ACSM1: variants seen among roughly 807,000 people sequenced by gnomAD.
ACSM1 encodes acyl-CoA synthetase medium chain family member 1.
ACSM1 carries 79 observed loss-of-function variants against 75.8 expected under a neutral mutation model. The ratio of observed to expected loss-of-function variants is 1.04; its 90% confidence interval spans 0.87 to 1.26. The LOEUF is 1.26. ACSM1 is among the 50% of genes most tolerant of loss of function. The pLI is 0.00. For missense variants in ACSM1, 676 were observed against 720.1 expected (o/e 0.94, Z 0.70); for synonymous variants, 279 against 265.8 (o/e 1.05, Z -0.48).
At position 20,691,094 on chromosome 16, in the gene ACSM1, A is replaced by G. The variant is rs1186295814; in HGVS notation, c.95T>C (p.Leu32Ser). The change falls in exon 2 of 14, where the codon TTA (leucine) becomes TCA (serine). Residue 32 changes from leucine to serine, a missense_variant. Coordinates refer to ENST00000520010, the MANE Select transcript of ACSM1 (RefSeq NM_001318890.3). The part of the protein sequence containing the change: ...PAPSQLRCRS[L>S]SEFGAPRWND... Reference sequence around the variant, plus strand: ...CCATCTTGGGGCTCCAAATTCTGATAAAGACCGGCAGCGCAGCTGTGAAGG... The same window carrying G: ...CCATCTTGGGGCTCCAAATTCTGATGAAGACCGGCAGCGCAGCTGTGAAGG... 1 of 1,613,708 alleles carries G rather than the reference A, an allele frequency of 6.2e-7. No individual in the cohort carries two copies. The highest frequency in any genetic ancestry group is 1.1e-5 in the South Asian group (1 of 90,946).
chr16:20,686,675 G>A (rs531483272), intron 2 of ACSM1, among the ~76,000 whole-genome samples: 4 of 151,972 alleles, frequency 2.6e-5, no homozygotes, highest in Admixed American at 6.6e-5. Context: ...AGAGCCAGGC[G>A]AGGTGGCACA....
At position 20,624,142 on chromosome 16, in the gene ACSM1, T is replaced by A. The variant is rs1217275984; in HGVS notation, c.1601A>T (p.Gln534Leu). 7 of 1,613,374 alleles carry A rather than the reference T, an allele frequency of 4.3e-6. No homozygotes were observed. In the East Asian group the frequency reaches 1.1e-4, roughly 26 times the overall value. ...GGCTGTCACTGACTTGACATGCTGCTGCAGTTCCTTGGTCAGCTGATCCTT... is the reference window on the plus strand; with the variant it reads ...GGCTGTCACTGACTTGACATGCTGCAGCAGTTCCTTGGTCAGCTGATCCTT... Reference protein sequence around the residue: ...HDKDQLTKELQQHVKSVTAPY... With the variant: ...HDKDQLTKELLQHVKSVTAPY... The change falls in exon 13 of 14, where the codon CAG becomes CTG. Residue 534 changes from glutamine (Q) to leucine (L), a missense_variant. Coordinates refer to ENST00000520010, the MANE Select transcript of ACSM1 (RefSeq NM_001318890.3).
intron 7 of ACSM1, among the ~76,000 whole-genome samples, chr16:20,658,843 G>T (rs1050076202): frequency 6.6e-6 from 1 of 152,092 alleles, no homozygotes; most frequent in Non-Finnish European, 1.5e-5. Flanking sequence ...ATTTAATGTT[G>T]GTCCCGTAAT....
chr16:20,637,504 C>G (rs1470010544), intron 8 of ACSM1, 53 bp from the exon 9 acceptor site: 2 of 1,440,582 alleles, frequency 1.4e-6, no homozygotes, highest in Non-Finnish European at 2.0e-6. Context: ...AGGCTGATCA[C>G]AAAGCAGTCA....
intron 7 of ACSM1, among the ~76,000 whole-genome samples, chr16:20,654,916 A>G (rs896482197): frequency 3.9e-5 from 6 of 152,172 alleles, no homozygotes; most frequent in Non-Finnish European, 7.3e-5. Flanking sequence ...CCAAAGGATT[A>G]TAAATCATGC....
intron 1 of ACSM1, among the ~76,000 whole-genome samples, chr16:20,694,828 C>T (rs555520802): frequency 6.6e-6 from 1 of 151,940 alleles, no homozygotes; most frequent in African/African-American, 2.4e-5. Context: ...TAGGGTGGGC[C>T]CTAATCCAAT....
chr16:20,671,553 A>AGGCCAACCCAT lies in ACSM1; in HGVS notation c.719_729dup (p.Leu244MetfsTer18). The stretch of plus-strand genomic sequence containing the variant: ...TACCTTCCTGGGAAGGAGGGTTGTA[A>AGGCCAACCCAT]GGCCAACCCATGGGAGTGTTTTGCC... On this transcript the variant is annotated frameshift_variant, in exon 5 of 14. Transcript: ENST00000520010. LOFTEE classifies it high-confidence loss of function. 1 of 1,611,854 alleles carries AGGCCAACCCAT rather than the reference A, an allele frequency of 6.2e-7. No individual in the cohort carries two copies. The highest frequency in any genetic ancestry group is 8.5e-7 in the Non-Finnish European group (1 of 1,179,208).
chr16:20,634,453 TAAG>T (rs1484108965), intron 10 of ACSM1, among the ~76,000 whole-genome samples: 1 of 152,180 alleles, frequency 6.6e-6, no homozygotes, highest in East Asian at 1.9e-4. Flanking sequence ...AAATGTCCAT[TAAG>T]AGACAACTGA....
rs775397893 is a variant in ACSM1, at chr16:20,625,419, T to A, written c.1527+4A>T. 5 of 1,613,608 alleles carry A rather than the reference T, an allele frequency of 3.1e-6. No homozygotes were observed. The highest frequency in any genetic ancestry group is 4.2e-6 in the Non-Finnish European group (5 of 1,179,896). On this transcript the variant is annotated splice_donor_region_variant and intron_variant, in intron 12 of 13. Coordinates refer to ENST00000520010, the MANE Select transcript of ACSM1 (RefSeq NM_001318890.3). The stretch of plus-strand genomic sequence containing the variant: ...AGACATGATGATCTCTGTGTTCTCC[T>A]CACCTCCCCTCGAATCGGGTCTGGG...
intron 7 of ACSM1, among the ~76,000 whole-genome samples, chr16:20,646,290 G>A (rs2905825): frequency 0.29 from 44,521 of 152,046 alleles, 7,967 homozygotes; most frequent in African/African-American, 0.5. Context: ...CCACCCCCTT[G>A]TCCATGCCCC....
chr16:20,671,800 TC>T (rs1567295278), intron 4 of ACSM1, 129 bp from the exon 5 acceptor site: 1 of 1,069,796 alleles, frequency 9.3e-7, no homozygotes, highest in African/African-American at 1.6e-5. Flanking sequence ...AAACTGGCTC[TC>T]CCGGAGTTAG....
At chr16:20,635,144 C>T (rs1352993794) in intron 10 of ACSM1, among the ~76,000 whole-genome samples, 2 of 152,196 alleles carry the variant, frequency 1.3e-5, no homozygotes, top group Admixed American at 6.5e-5. Context: ...TCTGTAATCA[C>T]AGCACTTTGG....
chr16:20,686,433 C>G (rs1248957345), intron 2 of ACSM1, among the ~76,000 whole-genome samples: 3 of 152,068 alleles, frequency 2.0e-5, no homozygotes, highest in African/African-American at 7.2e-5. Context: ...TTCCCACTTA[C>G]ACAGGCAGGG....
chr16:20,658,243 A>G (rs1261189803), intron 7 of ACSM1, among the ~76,000 whole-genome samples: 1 of 152,116 alleles, frequency 6.6e-6, no homozygotes, highest in African/African-American at 2.4e-5. Context: ...AAGTGTTCCT[A>G]TTTCTCCACA....
intron 4 of ACSM1, among the ~76,000 whole-genome samples, chr16:20,675,542 A>G (rs1567300321): frequency 6.6e-6 from 1 of 152,222 alleles, no homozygotes; most frequent in Non-Finnish European, 1.5e-5. Flanking sequence ...AATGGGAGGA[A>G]AAGCATGGAA....
chr16:20,644,471 C>T (rs138605807), intron 7 of ACSM1, among the ~76,000 whole-genome samples: 10 of 151,812 alleles, frequency 6.6e-5, no homozygotes, highest in African/African-American at 2.4e-4. Flanking sequence ...ATACAGAGGA[C>T]CGACAAGACC....
chr16:20,693,047 G>A (rs1361917329), intron 1 of ACSM1, among the ~76,000 whole-genome samples: 6 of 151,988 alleles, frequency 3.9e-5, no homozygotes, highest in Admixed American at 6.6e-5. Flanking sequence ...GTGCCTGCCT[G>A]TAGTCCCAGC....
At chr16:20,631,955 C>T (rs2017372677) in intron 10 of ACSM1, among the ~76,000 whole-genome samples, 1 of 152,094 alleles carries the variant, frequency 6.6e-6, no homozygotes, top group African/African-American at 2.4e-5. Flanking sequence ...AGAACTTATC[C>T]ATGTAGCCAA....
At chr16:20,683,886 G>A (rs2079499658) in intron 3 of ACSM1, among the ~76,000 whole-genome samples, 1 of 151,934 alleles carries the variant, frequency 6.6e-6, no homozygotes, top group South Asian at 2.1e-4. Flanking sequence ...ATTTCCCATG[G>A]ACCATCTTAT....
Sources: gnomAD v4.1 joint callset for allele counts (sites outside exome capture counted in the v4.1 genomes callset) on GRCh38, gnomAD v4.1.1 for gene constraint, MANE v1.5 for transcripts, NCBI Gene and HGNC (gene_info 2026-07-23, HGNC 2026-07-21) for gene names.